SVOP: variants seen among roughly 807,000 people sequenced by gnomAD.
SVOP encodes synaptic vesicle 2-related protein.
In SVOP, 17 loss-of-function variants were observed where a neutral mutation model predicts 69.1. That is an observed-to-expected ratio of 0.25 (90% CI 0.17 to 0.37). The LOEUF is 0.37. Among genes scored for constraint, SVOP ranks in the 10% least tolerant of loss-of-function variants. The pLI is 1.00. For missense variants in SVOP, 435 were observed against 597.5 expected (o/e 0.73, Z 2.84); for synonymous variants, 238 against 238.6 (o/e 1.00, Z 0.02).
chr12:109,005,027 T>C (rs2040298087), intron 1 of SVOP, among the ~76,000 whole-genome samples: 1 of 152,186 alleles, frequency 6.6e-6, no homozygotes, highest in Non-Finnish European at 1.5e-5. Context: ...TGTGAGCCAC[T>C]GTGCCTAGCC....
chr12:108,946,530 G>A (rs2137411162), intron 6 of SVOP, among the ~76,000 whole-genome samples: 1 of 151,896 alleles, frequency 6.6e-6, no homozygotes, highest in Non-Finnish European at 1.5e-5. Flanking sequence ...GACTTGTGGA[G>A]TCCTATTTAT....
At chr12:108,973,902 C>T (rs951757820) in intron 4 of SVOP, among the ~76,000 whole-genome samples, 1 of 152,224 alleles carries the variant, frequency 6.6e-6, no homozygotes, top group Non-Finnish European at 1.5e-5. Flanking sequence ...TGATGATGCA[C>T]TTACAGATGA....
chr12:108,943,552 C>T (rs143836847), intron 7 of SVOP, among the ~76,000 whole-genome samples: 2 of 150,610 alleles, frequency 1.3e-5, no homozygotes, highest in Non-Finnish European at 2.9e-5. Context: ...GAGCCAAGAT[C>T]GCGCCACTGC....
At chr12:109,020,757 C>CCG (rs887857300) in intron 1 of SVOP, 77 bp downstream of exon 1, 41 of 287,216 alleles carry the variant, frequency 1.4e-4, no homozygotes, top group Admixed American at 3.4e-4. Flanking sequence ...GAGATGTACC[C>CCG]CCCCCCACCC....
At chr12:108,966,517 G>A (rs147265898) in intron 5 of SVOP, among the ~76,000 whole-genome samples, 5,773 of 152,014 alleles carry the variant, frequency 0.038, 368 homozygotes, top group African/African-American at 0.13. Context: ...GGAGGTTCTC[G>A]GTGGTTGCCA....
intron 11 of SVOP, among the ~76,000 whole-genome samples, chr12:108,927,365 G>T (rs1245016476): frequency 1.3e-5 from 2 of 152,142 alleles, no homozygotes; most frequent in African/African-American, 4.8e-5. Flanking sequence ...TGAGTTAATT[G>T]AAGTCTGTCA....
intron 1 of SVOP, among the ~76,000 whole-genome samples, chr12:108,986,018 A>T (rs1232437909): frequency 6.6e-6 from 1 of 152,148 alleles, no homozygotes; most frequent in Non-Finnish European, 1.5e-5. Context: ...GGAAAACCTG[A>T]GCTGTCAGGC....
chr12:108,994,322 C>T (rs192457920), intron 1 of SVOP, among the ~76,000 whole-genome samples: 39 of 152,096 alleles, frequency 2.6e-4, no homozygotes, highest in East Asian at 2.1e-3. Context: ...AGTGAAACCC[C>T]GTCTTTACTA....
Position 108,945,163 on chromosome 12 carries a change from C to T in SVOP, c.582G>A (p.Val194=). The part of the protein sequence containing the change: ...GFGIGGVPQS[V]TLYAEFLPMK... ...TGGGAAGGAACTCGGCATACAGCGT[C>T]ACCCTGGGAATGTAAAAGGGAAAGA... is the stretch of plus-strand genomic sequence containing the variant. Residue 194 remains valine (V), a synonymous_variant, in exon 7 of 16, where the codon GTG becomes GTA. Transcript: ENST00000610966. 6.5e-7 allele frequency: 1 copy of T among 1,537,120 alleles called. No individual in the cohort carries two copies. Among genetic ancestry groups the T allele is most frequent in the Non-Finnish European group, 8.7e-7 (1 of 1,146,870 alleles).
intron 1 of SVOP, among the ~76,000 whole-genome samples, chr12:108,989,101 G>A (rs541315072): frequency 2.0e-5 from 3 of 151,800 alleles, no homozygotes; most frequent in South Asian, 4.2e-4. Flanking sequence ...ACGGAGTCTC[G>A]CTCTGTTGCT....
Position 108,912,700 on chromosome 12 carries a change from G to A in SVOP, c.1482C>T (p.Tyr494=). Residue 494 remains tyrosine, a synonymous_variant, in exon 16 of 16, where the codon TAC becomes TAT. Transcript: ENST00000610966. Reference sequence around the variant, plus strand: ...GGGCAGCCAGGAGGCAGCAGCCACTGTAAACTGCCAGAGTCAGGTACACAG... The same window carrying A: ...GGGCAGCCAGGAGGCAGCAGCCACTATAAACTGCCAGAGTCAGGTACACAG... ...ESSVYLTLAV[Y]SGCCLLAALA... 6.2e-7 allele frequency: 1 copy of A among 1,613,982 alleles called. No individual in the cohort carries two copies.
chr12:109,000,990 G>A (rs1198019913), intron 1 of SVOP, among the ~76,000 whole-genome samples: 1 of 151,552 alleles, frequency 6.6e-6, no homozygotes, highest in Non-Finnish European at 1.5e-5. Context: ...GGAAATAAAG[G>A]GTATTCAATT....
At chr12:108,961,964 A>G (rs941161144) in intron 5 of SVOP, among the ~76,000 whole-genome samples, 1 of 152,196 alleles carries the variant, frequency 6.6e-6, no homozygotes, top group African/African-American at 2.4e-5. Flanking sequence ...GTACTGAGTG[A>G]TATTTTTACT....
chr12:108,908,415 T>A lies in SVOP; in HGVS notation c.*4120A>T, dbSNP rs1420514267. Reference sequence around the variant, plus strand: ...TCACACATCATTTGAACATTTTTGATCCAATATACTAATATTTGGAGATTT... The same window carrying A: ...TCACACATCATTTGAACATTTTTGAACCAATATACTAATATTTGGAGATTT... On this transcript the variant is annotated 3_prime_UTR_variant, in exon 16 of 16. Coordinates refer to ENST00000610966, the MANE Select transcript of SVOP (RefSeq NM_018711.5). The A allele has an allele frequency of 6.6e-6, 1 of 152,224 alleles. No homozygotes were observed. Among genetic ancestry groups the A allele is most frequent in the Non-Finnish European group, 1.5e-5 (1 of 68,040 alleles). The allele number at this position is 152,224 out of a possible 1,614,324, so 9.4% of individuals were successfully genotyped here. A position where few individuals can be genotyped will look rare whatever the true frequency, so the allele number is the denominator to read the frequency against.
rs541807481 is a variant in SVOP at position 108,953,838 on chromosome 12, G to A, written c.578+7085C>T. Among the ~76,000 whole-genome samples the A allele has an allele frequency of 5.9e-5, 9 of 152,190 alleles. No homozygotes were observed. In the East Asian group the frequency reaches 1.4e-3, roughly 23 times the overall value. ...GATAAAACAGATATTTAGGCTGGGC[G>A]TGGTGGCTGATGCCTGTAATCCCAG... On this transcript the variant is annotated intron_variant, in intron 6 of 15. Transcript: ENST00000610966.
At chr12:108,941,807 G>GC (rs1221196454) in intron 7 of SVOP, among the ~76,000 whole-genome samples, 1 of 151,390 alleles carries the variant, frequency 6.6e-6, no homozygotes, top group African/African-American at 2.4e-5. Context: ...GATTACAGGC[G>GC]CCCCCCTCAA....
Position 108,954,265 on chromosome 12 carries a change from C to T in SVOP, c.578+6658G>A, listed in dbSNP as rs552031846. 3.3e-5 allele frequency among the ~76,000 whole-genome samples: 5 copies of T among 152,176 alleles called. No individual in the cohort carries two copies. In the South Asian group the frequency reaches 1.0e-3, roughly 32 times the overall value. On this transcript the variant is annotated intron_variant, in intron 6 of 15. Transcript: ENST00000610966. ...TTTCTACAAAGCTCCAGCTTTTGTACCTGTAAAATGGAGATGATCATAATA... is the reference window on the plus strand; with the variant it reads ...TTTCTACAAAGCTCCAGCTTTTGTATCTGTAAAATGGAGATGATCATAATA...
chr12:108,956,714 C>T (rs1188497525), intron 6 of SVOP, among the ~76,000 whole-genome samples: 1 of 152,128 alleles, frequency 6.6e-6, no homozygotes, highest in Non-Finnish European at 1.5e-5. Flanking sequence ...GACCCACTGA[C>T]AAAGGATCCA....
In SVOP at chr12:108,961,078, G is replaced by A. The variant is rs1400009306; in HGVS notation, c.454-31C>T. On this transcript the variant is annotated intron_variant, in intron 5 of 15. Coordinates refer to ENST00000610966, the MANE Select transcript of SVOP (RefSeq NM_018711.5). Reference sequence around the variant, plus strand: ...GAGAAGGAAGACACGGAATCACAAGGGCTTTTCAGCACCTCCAGGTAGCGT... The same window carrying A: ...GAGAAGGAAGACACGGAATCACAAGAGCTTTTCAGCACCTCCAGGTAGCGT... 3 of 1,526,352 alleles carry A rather than the reference G, an allele frequency of 2.0e-6. No homozygotes were observed. In the African/African-American group the frequency reaches 4.1e-5, roughly 21 times the overall value. The allele number at this position is 1,526,352 out of a possible 1,614,324, so 94.6% of individuals were successfully genotyped here.
Sources: allele counts gnomAD v4.1 joint callset (sites outside exome capture counted in the v4.1 genomes callset), GRCh38; gene constraint gnomAD v4.1.1; transcripts MANE v1.5; gene names NCBI Gene and HGNC (gene_info 2026-07-23, HGNC 2026-07-21).